PPL: variants seen among roughly 807,000 people sequenced by gnomAD.
PPL encodes 190 kDa paraneoplastic pemphigus antigen.
A neutral mutation model predicts 194.4 loss-of-function variants in PPL; 198 were observed. The observed-to-expected ratio is 1.02, with a 90% CI of 0.91 to 1.15. The LOEUF is 1.15. Ranked by LOEUF, PPL falls within the 50% of genes most tolerant of loss-of-function variation. The pLI is 0.00. For missense variants in PPL, 2,885 were observed against 2,294.8 expected, an observed-to-expected ratio of 1.26 and a Z score of -5.25; for synonymous variants, 1,220 against 972.4, an observed-to-expected ratio of 1.25 and a Z score of -4.74.
intron 16 of PPL, chr16:4,891,578 A>T: frequency 2.0e-6 from 1 of 508,182 alleles, no homozygotes. Flanking sequence ...TACACTGGCT[A>T]TTGCAGATAT....
intron 1 of PPL, among the ~76,000 whole-genome samples, chr16:4,927,058 A>G (rs2089167789): frequency 6.6e-6 from 1 of 152,206 alleles, no homozygotes; most frequent in Admixed American, 6.5e-5. Flanking sequence ...CATGATAAAT[A>G]GGGCACTATG....
intron 1 of PPL, among the ~76,000 whole-genome samples, chr16:4,915,417 T>C (rs1465349675): frequency 1.3e-5 from 2 of 152,242 alleles, no homozygotes; most frequent in Non-Finnish European, 2.9e-5. Context: ...TCCTGGGCAT[T>C]TGCCACTTGC....
rs114137519 is a variant in PPL at position 4,935,708 on chromosome 16, C to G, written c.62+1276G>C. ...GCTGGAAGGCCCCGGAATGGAGTGT[C>G]GCACTCCAGCGTGCTAGGGCCCCGC... is the stretch of plus-strand genomic sequence containing the variant. On this transcript the variant is annotated intron_variant, in intron 1 of 21. Transcript: ENST00000345988. 7.5e-3 allele frequency among the ~76,000 whole-genome samples: 1,141 copies of G among 152,304 alleles called. 11 individuals are homozygous for G. Among genetic ancestry groups the G allele is most frequent in the African/African-American group, 0.026 (1,097 of 41,570 alleles).
At position 4,883,484 on chromosome 16, in the gene PPL, G is replaced by T. The variant is rs984487147; in HGVS notation, c.5171C>A (p.Ala1724Asp). Residue 1724 changes from alanine to aspartate, a missense_variant, in exon 22 of 22, where the codon GCC (alanine) becomes GAC (aspartate). Ala to Asp is a moderately radical substitution (Grantham distance 126). Coordinates refer to ENST00000345988, the MANE Select transcript of PPL (RefSeq NM_002705.5). This position sits in a 1 kb window ranked among gnomAD's most constrained non-coding sequence, Gnocchi z 4.8. ...AGGGGTCAGCCTGCCACTCTGCAGG[G>T]CCTCTTCGATGGAGAACTTCTTGCC... ...KSGKKFSIEE[A>D]LQSGRLTPAQ... The T allele has an allele frequency of 6.2e-7, 1 of 1,614,194 alleles. No individual in the cohort carries two copies.
intron 1 of PPL, among the ~76,000 whole-genome samples, chr16:4,913,650 G>GC (rs2088862572): frequency 6.6e-6 from 1 of 152,172 alleles, no homozygotes; most frequent in Non-Finnish European, 1.5e-5. Flanking sequence ...TGATTCGGCT[G>GC]CCTCAGCCTT....
At position 4,892,166 on chromosome 16, in the gene PPL, G is replaced by A. The variant is rs1300872501; in HGVS notation, c.1698C>T (p.Ser566=). The change falls in exon 15 of 22, where the codon AGC becomes AGT. Residue 566 remains serine (S), a synonymous_variant. Coordinates refer to ENST00000345988, the MANE Select transcript of PPL (RefSeq NM_002705.5). ...LLRIEPEKTR[S]TAEGEAFIQA... is the part of the protein sequence containing the mutation. ...GGATGAAGGCTTCGCCCTCAGCCGTGCTCCGCGTCTTCTCAGGTTCAATCC... is the reference window on the plus strand; with the variant it reads ...GGATGAAGGCTTCGCCCTCAGCCGTACTCCGCGTCTTCTCAGGTTCAATCC... The A allele has an allele frequency of 1.2e-6, 2 of 1,613,678 alleles. No homozygotes were observed. Among genetic ancestry groups the A allele is most frequent in the Non-Finnish European group, 1.7e-6 (2 of 1,180,004 alleles).
At chr16:4,901,941 A>AAAAT (rs61188714) in intron 4 of PPL, among the ~76,000 whole-genome samples, 20,261 of 81,406 alleles carry the variant, frequency 0.25, 1,495 homozygotes, top group Middle Eastern at 0.39. Context: ...CCTTGTCTCA[A>AAAAT]AAATAAATAA....
intron 9 of PPL, among the ~76,000 whole-genome samples, chr16:4,897,318 G>C (rs1226865238): frequency 1.5e-5 from 2 of 135,950 alleles, no homozygotes; most frequent in African/African-American, 5.9e-5. Context: ...CTGGGTGACA[G>C]GGCAAGACTC....
In PPL at chr16:4,892,072, C is replaced by T. The variant is rs553227512; in HGVS notation, c.1792G>A (p.Glu598Lys). The change falls in exon 15 of 22, where the codon GAG becomes AAG. Residue 598 changes from glutamate (E) to lysine (K), a missense_variant. Physicochemically the swap from Glu to Lys is moderately conservative, Grantham distance 56. Transcript: ENST00000345988. ...AAGTCCAGCAGCTGCAGGAGGTGCT[C>T]GTATTTCCGGTTGGTGTCCTCCACC... Reference protein sequence around the residue: ...TRVEDTNRKYEHLLQLLDLAQ... With the variant: ...TRVEDTNRKYKHLLQLLDLAQ... 29 of 1,613,706 alleles carry T rather than the reference C, an allele frequency of 1.8e-5. No individual in the cohort carries two copies. In the South Asian group the frequency reaches 2.3e-4, roughly 13 times the overall value.
In PPL at chr16:4,902,521, C is replaced by T. The variant is rs763462134; in HGVS notation, c.323G>A (p.Arg108His). The change falls in exon 4 of 22, where the codon CGC (arginine) becomes CAC (histidine). Residue 108 changes from arginine (R) to histidine (H), a missense_variant. Transcript: ENST00000345988. The surrounding 1 kb of genome is among the most constrained non-coding windows in gnomAD (Gnocchi z 4.0). ...PQGDMIAEDI[R>H]QLKERVTNLR... Reference sequence around the variant, plus strand: ...GTTGGTCACACGCTCCTTCAGCTGGCGGATACTGATGGGAGAGAGGCTCCC... The same window carrying T: ...GTTGGTCACACGCTCCTTCAGCTGGTGGATACTGATGGGAGAGAGGCTCCC... The T allele has an allele frequency of 2.0e-5, 32 of 1,612,978 alleles. No individual in the cohort carries two copies. The highest frequency in any genetic ancestry group is 3.3e-5 in the Admixed American group (2 of 59,882).
chr16:4,893,258 T>C lies in PPL; in HGVS notation c.1605A>G (p.Gln535=). The change falls in exon 14 of 22, where the codon CAA becomes CAG. Residue 535 remains glutamine, a synonymous_variant. Transcript: ENST00000345988. ...CGGCACTGTCCTGCACAGCCCGGCC[T>C]TGCTCCAGTGGTGGCCGCAGGATCC... ...ITGILRPPLE[Q]GRAVQDSAER... is the part of the protein sequence containing the mutation. 3.1e-6 allele frequency: 5 copies of C among 1,595,980 alleles called. No individual in the cohort carries two copies. Among genetic ancestry groups the C allele is most frequent in the Non-Finnish European group, 4.3e-6 (5 of 1,174,594 alleles).
chr16:4,934,904 G>C (rs1399137692), intron 1 of PPL, among the ~76,000 whole-genome samples: 1 of 152,216 alleles, frequency 6.6e-6, no homozygotes, highest in African/African-American at 2.4e-5. Context: ...CACTGGGCTT[G>C]GAGACCACCC....
chr16:4,926,572 A>G (rs2089157251), intron 1 of PPL, among the ~76,000 whole-genome samples: 2 of 152,130 alleles, frequency 1.3e-5, no homozygotes, highest in Admixed American at 6.5e-5. Context: ...AAACACCCCA[A>G]TGGGTATAAT....
chr16:4,899,212 C>T lies in PPL; in HGVS notation c.768+11G>A, dbSNP rs563123968. Reference sequence around the variant, plus strand: ...GCCTCCTCCCTGATGCCCCAGGCCCCCAGAACCCACCTCATACTGGCGCCG... The same window carrying T: ...GCCTCCTCCCTGATGCCCCAGGCCCTCAGAACCCACCTCATACTGGCGCCG... On this transcript the variant is annotated intron_variant, in intron 7 of 21. Coordinates refer to ENST00000345988, the MANE Select transcript of PPL (RefSeq NM_002705.5). 1.7e-5 allele frequency: 27 copies of T among 1,613,804 alleles called. 1 individual carries two copies. The Middle Eastern group carries it at 1.2e-3, about 69-fold the overall frequency.
At chr16:4,904,324 G>C (rs1364830590) in intron 2 of PPL, among the ~76,000 whole-genome samples, 2 of 152,186 alleles carry the variant, frequency 1.3e-5, no homozygotes, top group African/African-American at 2.4e-5. Context: ...TGTATGCAAG[G>C]AGTTGGGACA....
chr16:4,890,082 C>G, intron 18 of PPL, 102 bp downstream of exon 18: 1 of 1,560,972 alleles, frequency 6.4e-7, no homozygotes, highest in Non-Finnish European at 8.8e-7. Context: ...GGCCTCTGCC[C>G]TGCTCCACCT....
chr16:4,913,289 G>T (rs2088855790), intron 1 of PPL, among the ~76,000 whole-genome samples: 1 of 152,100 alleles, frequency 6.6e-6, no homozygotes, highest in African/African-American at 2.4e-5. Context: ...TTAGCTGTGG[G>T]TTCAGATCTT....
chr16:4,907,360 A>G (rs937901425), intron 2 of PPL, among the ~76,000 whole-genome samples: 1 of 151,054 alleles, frequency 6.6e-6, no homozygotes, highest in Non-Finnish European at 1.5e-5. Context: ...ACACACGGAC[A>G]GATACATGAT....
At chr16:4,920,863 A>G (rs538547884) in intron 1 of PPL, among the ~76,000 whole-genome samples, 33 of 152,228 alleles carry the variant, frequency 2.2e-4, no homozygotes, top group African/African-American at 7.7e-4. Flanking sequence ...TTGGCCTCCT[A>G]AAGTACAGGG....
Sources: allele counts gnomAD v4.1 joint callset (sites outside exome capture counted in the v4.1 genomes callset), GRCh38; gene constraint gnomAD v4.1.1; non-coding constraint Gnocchi (gnomAD v3.1); transcripts MANE v1.5; gene names NCBI Gene and HGNC (gene_info 2026-07-23, HGNC 2026-07-21).